The following MED12L variants were observed in gnomAD, a reference collection of about 807,000 sequenced individuals.
MED12L encodes mediator complex subunit 12L.
MED12L carries 60 observed loss-of-function variants against 281.3 expected under a neutral mutation model. The observed-to-expected ratio is 0.21, with a 90% CI of 0.17 to 0.26. The LOEUF is 0.26. Ranked by LOEUF, MED12L falls within the 10% of genes least tolerant of loss-of-function variation. The probability of loss-of-function intolerance (pLI) is 1.00; values close to 1 mark genes in which losing one functional copy is unlikely to be tolerated. For synonymous variants in MED12L, 974 were observed against 987.2 expected (o/e 0.99, Z 0.25); for missense variants, 2,146 against 2,680.9 (o/e 0.80, Z 4.41).
intron 39 of MED12L, among the ~76,000 whole-genome samples, chr3:151,402,134 C>T (rs1446670855): frequency 1.3e-5 from 2 of 152,168 alleles, no homozygotes; most frequent in African/African-American, 4.8e-5. Context: ...GAAATTCCTC[C>T]TATACTTTCC....
intron 16 of MED12L, among the ~76,000 whole-genome samples, chr3:151,232,061 C>G (rs1031538678): frequency 1.3e-5 from 2 of 152,114 alleles, no homozygotes. Context: ...TGACAGGTAA[C>G]GAATGCCTAA....
At chr3:151,259,938 A>G (rs994981861) in intron 16 of MED12L, among the ~76,000 whole-genome samples, 1 of 152,182 alleles carries the variant, frequency 6.6e-6, no homozygotes, top group African/African-American at 2.4e-5. Flanking sequence ...TAAGTTTGGA[A>G]ACCAATCCCC....
chr3:151,338,910 T>C, intron 16 of MED12L: 1 of 1,526,952 alleles, frequency 6.5e-7, no homozygotes, highest in Non-Finnish European at 9.0e-7. Flanking sequence ...TAGTTATTAT[T>C]GCTGTTATCT....
At chr3:151,117,032 A>G (rs1712930391) in intron 3 of MED12L, among the ~76,000 whole-genome samples, 1 of 152,170 alleles carries the variant, frequency 6.6e-6, no homozygotes, top group South Asian at 2.1e-4. Flanking sequence ...GCATCAGTTG[A>G]TGACTCCTGC....
At chr3:151,198,335 TTTTTTTG>T (rs1724966548) in intron 16 of MED12L, 2 of 986,162 alleles carry the variant, frequency 2.0e-6, no homozygotes, top group Non-Finnish European at 2.8e-6. Flanking sequence ...ATACTGAGTT[TTTTTTTG>T]TTTTTTTTTT....
intron 41 of MED12L, among the ~76,000 whole-genome samples, chr3:151,412,615 G>T (rs1717083393): frequency 6.6e-6 from 1 of 152,206 alleles, no homozygotes; most frequent in South Asian, 2.1e-4. Flanking sequence ...TGGAAAATGT[G>T]CATTGTATGT....
chr3:151,334,601 G>A (rs565059303), intron 16 of MED12L, among the ~76,000 whole-genome samples: 8 of 152,218 alleles, frequency 5.3e-5, no homozygotes, highest in Admixed American at 3.3e-4. Context: ...GTGTGTTCAA[G>A]CGGTTCTCCT....
At chr3:151,292,116 A>G (rs537616533) in intron 16 of MED12L, among the ~76,000 whole-genome samples, 5 of 152,338 alleles carry the variant, frequency 3.3e-5, no homozygotes, top group African/African-American at 1.2e-4. Flanking sequence ...AGAGTGCTGA[A>G]TGGAGCCAGT....
At chr3:151,104,718 G>T (rs1721793519) in intron 2 of MED12L, among the ~76,000 whole-genome samples, 1 of 152,174 alleles carries the variant, frequency 6.6e-6, no homozygotes, top group African/African-American at 2.4e-5. Flanking sequence ...TTCTCTCATG[G>T]TTCTAGAGGC....
chr3:151,138,368 T>G (rs1048421156), intron 5 of MED12L, among the ~76,000 whole-genome samples: 1 of 152,218 alleles, frequency 6.6e-6, no homozygotes, highest in Admixed American at 6.5e-5. Flanking sequence ...CCATGCATTC[T>G]CTCACCCTTG....
intron 16 of MED12L, among the ~76,000 whole-genome samples, chr3:151,277,637 T>A (rs1742116913): frequency 1.3e-5 from 2 of 152,216 alleles, no homozygotes; most frequent in Admixed American, 1.3e-4. Flanking sequence ...GTAATTTAAT[T>A]TATAATGTTT....
intron 16 of MED12L, among the ~76,000 whole-genome samples, chr3:151,348,340 CAA>C (rs11382065): frequency 0.035 from 3,073 of 87,788 alleles, 45 homozygotes; most frequent in African/African-American, 0.11. Context: ...ACCACCAGAC[CAA>C]AAAAAAAAAA....
intron 16 of MED12L, among the ~76,000 whole-genome samples, chr3:151,208,697 A>G (rs890597902): frequency 3.9e-4 from 59 of 152,060 alleles, no homozygotes; most frequent in African/African-American, 1.2e-3. Flanking sequence ...AAAACAGAAA[A>G]ATCAAGAATT....
Position 151,165,474 on chromosome 3 carries a change from G to T in MED12L, c.1312G>T (p.Val438Leu). 1 of 1,614,122 alleles carries T rather than the reference G, an allele frequency of 6.2e-7. No individual in the cohort carries two copies. The highest frequency in any genetic ancestry group is 8.5e-7 in the Non-Finnish European group (1 of 1,179,950). ...EQQIKQRGRAVEVRWSFDKCQ... is the reference protein window; with the variant it reads ...EQQIKQRGRALEVRWSFDKCQ... ...ACAGATAAAACAAAGAGGCCGTGCA[G>T]TGGAAGTTCGGTGGTCATTTGACAA... The change falls in exon 10 of 45, where the codon GTG (valine) becomes TTG (leucine). Residue 438 changes from valine to leucine, a missense_variant. Coordinates refer to ENST00000687756, the MANE Select transcript of MED12L (RefSeq NM_001393769.1).
At chr3:151,134,705 C>T (rs1399739239) in intron 5 of MED12L, among the ~76,000 whole-genome samples, 1 of 152,144 alleles carries the variant, frequency 6.6e-6, no homozygotes, top group Admixed American at 6.5e-5. Context: ...CAAGAAGAGA[C>T]GCTTCCTAGG....
intron 39 of MED12L, among the ~76,000 whole-genome samples, chr3:151,398,377 G>A (rs1314198127): frequency 1.3e-5 from 2 of 152,186 alleles, no homozygotes; most frequent in Non-Finnish European, 1.5e-5. Flanking sequence ...AAACCATCCA[G>A]CCTTCAGTGA....
intron 16 of MED12L, chr3:151,213,268 C>T (rs746322293): frequency 2.6e-5 from 40 of 1,513,448 alleles, no homozygotes; most frequent in Non-Finnish European, 3.4e-5. Flanking sequence ...ACAACATGCA[C>T]ACGTGGTCTT....
At chr3:151,126,576 G>T (rs1714561136) in intron 4 of MED12L, among the ~76,000 whole-genome samples, 1 of 152,142 alleles carries the variant, frequency 6.6e-6, no homozygotes, top group Admixed American at 6.5e-5. Context: ...TGAGGATTTG[G>T]TTAAGAGAAA....
intron 16 of MED12L, chr3:151,197,759 T>C (rs1207549131): frequency 6.6e-6 from 1 of 152,656 alleles, no homozygotes; most frequent in Non-Finnish European, 1.5e-5. Context: ...AAATGTATTA[T>C]TACTAACATC....
Sources: allele counts gnomAD v4.1 joint callset (sites outside exome capture counted in the v4.1 genomes callset), GRCh38; gene constraint gnomAD v4.1.1; transcripts MANE v1.5; gene names NCBI Gene and HGNC (gene_info 2026-07-23, HGNC 2026-07-21).